BCAS3: variants seen among roughly 807,000 people sequenced by gnomAD.
BCAS3 encodes the protein BCAS4/BCAS3 fusion.
Under a neutral mutation model 116.1 loss-of-function variants are expected in BCAS3, and 53 were observed. The ratio of observed to expected loss-of-function variants is 0.46; its 90% CI spans 0.37 to 0.57. The LOEUF (loss-of-function observed/expected upper bound fraction) is 0.57, where lower values mean the gene tolerates loss of function less well. Among genes scored for constraint, BCAS3 ranks in the 20% least tolerant of loss-of-function variants. BCAS3 has a pLI of 0.00. For missense variants in BCAS3, 917 were observed against 1,165.4 expected (o/e 0.79, Z 3.10); for synonymous variants, 391 against 408.2 (o/e 0.96, Z 0.51).
chr17:61,269,271 C>T (rs1212103834), intron 22 of BCAS3, among the ~76,000 whole-genome samples: 1 of 151,954 alleles, frequency 6.6e-6, no homozygotes, highest in Non-Finnish European at 1.5e-5. Context: ...TGCACCACCA[C>T]ACCTGGCTAA....
intron 22 of BCAS3, among the ~76,000 whole-genome samples, chr17:61,168,595 G>T (rs117497461): frequency 1.1e-4 from 16 of 152,130 alleles, no homozygotes; most frequent in Non-Finnish European, 2.4e-4. Context: ...AGGCTTAATG[G>T]TAGATCAAAA....
At chr17:60,812,899 G>C (rs2048967091) in intron 7 of BCAS3, among the ~76,000 whole-genome samples, 1 of 151,844 alleles carries the variant, frequency 6.6e-6, no homozygotes, top group African/African-American at 2.4e-5. Flanking sequence ...CCACTGTTGG[G>C]CTAATTAAAA....
At chr17:60,840,552 T>C (rs2051809635) in intron 7 of BCAS3, among the ~76,000 whole-genome samples, 1 of 152,202 alleles carries the variant, frequency 6.6e-6, no homozygotes, top group Non-Finnish European at 1.5e-5. Context: ...AAAAGTCTTA[T>C]TTAATTCCTG....
rs2143612454 is a variant in BCAS3 at position 61,380,312 on chromosome 17, A to C, written c.2594-11665A>C. The C allele has an allele frequency of 1.7e-6, 1 of 605,570 alleles. No homozygotes were observed. Among genetic ancestry groups the C allele is most frequent in the Non-Finnish European group, 3.0e-6 (1 of 338,338 alleles). 37.5% of individuals were successfully genotyped at this position (605,570 alleles called of 1,614,324 possible). ...GAGGAGGGAGAGAGGGAAGGATGAT[A>C]CCAGTTTAGGCTAGTGAGAAATCTG... On this transcript the variant is annotated intron_variant, in intron 23 of 23. Coordinates refer to ENST00000407086, the MANE Select transcript of BCAS3 (RefSeq NM_017679.5). This position sits in a 1 kb window ranked among gnomAD's most constrained non-coding sequence, Gnocchi z 4.2.
chr17:61,123,178 G>A (rs573457644), intron 22 of BCAS3, among the ~76,000 whole-genome samples: 1 of 151,950 alleles, frequency 6.6e-6, no homozygotes, highest in African/African-American at 2.4e-5. Flanking sequence ...CCTGACCTTA[G>A]GTGACCCACC....
In BCAS3 at chr17:61,326,836, G is replaced by A. The variant is rs148097086; in HGVS notation, c.2426-41491G>A. Among the ~76,000 whole-genome samples the A allele has an allele frequency of 5.6e-3, 849 of 152,226 alleles. 6 individuals carry two copies. The highest frequency in any genetic ancestry group is 9.5e-3 in the Non-Finnish European group (644 of 68,016). The stretch of plus-strand genomic sequence containing the variant: ...TCTAGGGGTTTCCTTAGGAAAGAAT[G>A]GGGAGAGAAGAATGGGAGGTGATAA... On this transcript the variant is annotated intron_variant, in intron 22 of 23. Transcript: ENST00000407086. This position sits in a 1 kb window ranked among gnomAD's most constrained non-coding sequence, Gnocchi z 5.3.
chr17:61,351,646 C>T (rs939822113), intron 22 of BCAS3, among the ~76,000 whole-genome samples: 2 of 152,224 alleles, frequency 1.3e-5, no homozygotes, highest in Non-Finnish European at 2.9e-5. Context: ...TTCCCACTCT[C>T]GATTGAGTGC....
At chr17:60,740,084 C>T (rs1230943505) in intron 5 of BCAS3, among the ~76,000 whole-genome samples, 2 of 151,882 alleles carry the variant, frequency 1.3e-5, no homozygotes, top group African/African-American at 2.4e-5. Flanking sequence ...TTTTTTGGGG[C>T]ATTTATCCCG....
At chr17:60,903,882 T>A (rs2058052202) in intron 11 of BCAS3, among the ~76,000 whole-genome samples, 2 of 152,238 alleles carry the variant, frequency 1.3e-5, no homozygotes, top group African/African-American at 4.8e-5. Flanking sequence ...CAACGAGATC[T>A]TTTTCTCAAG....
intron 23 of BCAS3, among the ~76,000 whole-genome samples, chr17:61,371,711 A>T (rs1346672932): frequency 2.0e-5 from 3 of 152,214 alleles, no homozygotes; most frequent in African/African-American, 4.8e-5. Flanking sequence ...TTTGTCAATT[A>T]AAAAATATAT....
intron 14 of BCAS3, among the ~76,000 whole-genome samples, chr17:60,985,090 C>A (rs1330081767): frequency 6.6e-6 from 1 of 150,698 alleles, no homozygotes; most frequent in Non-Finnish European, 1.5e-5. Flanking sequence ...AATGGGGTAC[C>A]CATCTCCTCA....
intron 7 of BCAS3, chr17:60,811,380 C>T: frequency 1.6e-6 from 1 of 620,414 alleles, no homozygotes; most frequent in East Asian, 3.9e-5. Context: ...TCCAGGCAAA[C>T]CATCCAGAAG....
intron 9 of BCAS3, among the ~76,000 whole-genome samples, chr17:60,876,510 C>G (rs1401928311): frequency 4.6e-5 from 7 of 152,124 alleles, no homozygotes; most frequent in Non-Finnish European, 1.5e-5. Flanking sequence ...ACATTTCCCA[C>G]TGTCTGTTTG....
Position 61,181,617 on chromosome 17 carries a change from A to G in BCAS3, c.2425+97053A>G, listed in dbSNP as rs1043048433. Among the ~76,000 whole-genome samples the G allele has an allele frequency of 4.9e-4, 75 of 152,324 alleles. No individual in the cohort carries two copies. The highest frequency in any genetic ancestry group is 1.6e-3 in the African/African-American group (65 of 41,576). On this transcript the variant is annotated intron_variant, in intron 22 of 23. Coordinates refer to ENST00000407086, the MANE Select transcript of BCAS3 (RefSeq NM_017679.5). The surrounding 1 kb of genome is among the most constrained non-coding windows in gnomAD (Gnocchi z 5.0). ...CTTTCTGAGTTGCCAAATGCTGAGA[A>G]AGCAGACAGTAATTGATGTAGTGAA...
chr17:60,791,046 TTTTG>T (rs1464049854), intron 6 of BCAS3, among the ~76,000 whole-genome samples: 2 of 151,958 alleles, frequency 1.3e-5, no homozygotes, highest in African/African-American at 4.8e-5. Flanking sequence ...TCGGCCTTAG[TTTTG>T]TTTTTCTTTT....
At chr17:60,986,310 A>G (rs1179804148) in intron 14 of BCAS3, among the ~76,000 whole-genome samples, 1 of 152,202 alleles carries the variant, frequency 6.6e-6, no homozygotes, top group Non-Finnish European at 1.5e-5. Flanking sequence ...ATGGGAGTGC[A>G]GATATCTCTT....
chr17:60,683,987 A>G lies in BCAS3; in HGVS notation c.89A>G (p.Gln30Arg), dbSNP rs767543165. 1.9e-6 allele frequency: 3 copies of G among 1,613,696 alleles called. No homozygotes were observed. The highest frequency in any genetic ancestry group is 1.1e-5 in the South Asian group (1 of 91,036). ...VVVRPQAVTE[Q>R]SYMESVVTFL... ...TCCATTTCACCCTTTTCCAGAGAGCAGTCCTACATGGAAAGTGTTGTGACT... is the reference window on the plus strand; with the variant it reads ...TCCATTTCACCCTTTTCCAGAGAGCGGTCCTACATGGAAAGTGTTGTGACT... The change falls in exon 3 of 24, where the codon CAG (glutamine) becomes CGG (arginine). Residue 30 changes from glutamine (Q) to arginine (R), a missense_variant. Gln to Arg is a conservative substitution (Grantham distance 43, BLOSUM62 1). Coordinates refer to ENST00000407086, the MANE Select transcript of BCAS3 (RefSeq NM_017679.5).
At chr17:61,157,574 TTCTC>T (rs1011933542) in intron 22 of BCAS3, 2 of 151,968 alleles carry the variant, frequency 1.3e-5, no homozygotes, top group African/African-American at 4.8e-5. Context: ...CTTCCTCTGT[TTCTC>T]TCTTTCTCTC....
At chr17:61,185,520 A>G (rs925839914) in intron 22 of BCAS3, among the ~76,000 whole-genome samples, 4 of 152,122 alleles carry the variant, frequency 2.6e-5, no homozygotes, top group African/African-American at 9.7e-5. Flanking sequence ...GAAGTAACCA[A>G]CTGACAATTA....
Sources: gnomAD v4.1 joint callset for allele counts (sites outside exome capture counted in the v4.1 genomes callset) on GRCh38, gnomAD v4.1.1 for gene constraint, Gnocchi (gnomAD v3.1) non-coding constraint, MANE v1.5 for transcripts, NCBI Gene and HGNC (gene_info 2026-07-23, HGNC 2026-07-21) for gene names.